The following ABCB5 variants were observed in gnomAD, a reference collection of about 807,000 sequenced individuals.
ABCB5 encodes ATP-binding cassette sub-family B member 5.
In ABCB5, 155 loss-of-function variants were observed where a neutral mutation model predicts 144.2. That is an observed-to-expected ratio of 1.08 (90% confidence interval 0.94 to 1.23). The LOEUF (loss-of-function observed/expected upper bound fraction) is 1.23, where lower values mean the gene tolerates loss of function less well. Ranked by LOEUF, ABCB5 falls within the 50% of genes most tolerant of loss-of-function variation. ABCB5 has a pLI of 0.00. For missense variants in ABCB5, 1,830 were observed against 1,520.8 expected, an observed-to-expected ratio of 1.20 and a Z score of -3.38; for synonymous variants, 610 against 528.6, an observed-to-expected ratio of 1.15 and a Z score of -2.11.
At chr7:20,658,036 C>A (rs7806753) in intron 13 of ABCB5, among the ~76,000 whole-genome samples, 8,162 of 151,896 alleles carry the variant, frequency 0.054, 620 homozygotes, top group African/African-American at 0.17. Flanking sequence ...ATGGAAAAAA[C>A]GTTTTAGGGG....
At chr7:20,728,117 A>G (rs1782094534) in intron 22 of ABCB5, among the ~76,000 whole-genome samples, 198 bp from the exon 23 acceptor site, 2 of 152,024 alleles carry the variant, frequency 1.3e-5, no homozygotes, top group African/African-American at 4.8e-5. Flanking sequence ...AGGGAAAAGA[A>G]TTATAACATT....
intron 2 of ABCB5, among the ~76,000 whole-genome samples, chr7:20,624,738 C>T (rs1045084140): frequency 2.6e-5 from 4 of 152,190 alleles, no homozygotes; most frequent in African/African-American, 9.6e-5. Context: ...AATGAAAGTA[C>T]TGGGCCACCA....
intron 7 of ABCB5, among the ~76,000 whole-genome samples, chr7:20,644,546 C>T (rs139781733): frequency 5.3e-4 from 80 of 152,268 alleles, no homozygotes; most frequent in Middle Eastern, 3.4e-3. Context: ...AAATTGTAAT[C>T]TTATCTACAG....
chr7:20,722,992 C>A (rs1021867846), intron 20 of ABCB5, 24 bp from the exon 21 acceptor site: 2 of 1,607,776 alleles, frequency 1.2e-6, no homozygotes. Flanking sequence ...TGAGTTTTTT[C>A]CCCCAAAATA....
chr7:20,635,888 A>G (rs1784146075), intron 5 of ABCB5, among the ~76,000 whole-genome samples: 1 of 152,062 alleles, frequency 6.6e-6, no homozygotes, highest in African/African-American at 2.4e-5. Context: ...GATGCCTTTT[A>G]TTTCTTTCTG....
chr7:20,621,065 T>G lies in ABCB5; in HGVS notation c.-21-2200T>G, dbSNP rs1323765550. Among the ~76,000 whole-genome samples, 8 of 152,212 alleles carry G rather than the reference T, an allele frequency of 5.3e-5. No individual in the cohort carries two copies. In the East Asian group the frequency reaches 1.3e-3, roughly 26 times the overall value. On this transcript the variant is annotated intron_variant, in intron 1 of 27. Transcript: ENST00000404938. The stretch of plus-strand genomic sequence containing the variant: ...TGTGCACCAGAATAGTATTCAGCCT[T>G]AAAAAGGAATAAAATTGTGATACAT...
chr7:20,753,551 G>C, intron 27 of ABCB5, 45 bp downstream of exon 27: 2 of 1,572,960 alleles, frequency 1.3e-6, no homozygotes, highest in Non-Finnish European at 1.7e-6. Flanking sequence ...CCAAATATAA[G>C]CATCCAATAA....
chr7:20,749,163 CCTTCCTTCCCTCTCTA>C (rs1782831862), intron 26 of ABCB5, among the ~76,000 whole-genome samples: 2 of 143,354 alleles, frequency 1.4e-5, no homozygotes, highest in Admixed American at 1.4e-4. Flanking sequence ...CTCTCTCTCT[CCTTCCTTCCCTCTCTA>C]CTTCCTTCCT....
chr7:20,742,246 C>T lies in ABCB5; in HGVS notation c.3025-631C>T, dbSNP rs559338683. On this transcript the variant is annotated intron_variant, in intron 24 of 27. Transcript: ENST00000404938. ...AAAATTGGCTGGGTGTGGTGGCGCA[C>T]GCTGGTGGTCCCAGCTACTCAGGAG... is the stretch of plus-strand genomic sequence containing the variant. 3.3e-5 allele frequency among the ~76,000 whole-genome samples: 5 copies of T among 152,154 alleles called. No individual in the cohort carries two copies. In the East Asian group the frequency reaches 7.7e-4, roughly 24 times the overall value.
chr7:20,627,558 G>C (rs548440672), intron 3 of ABCB5, among the ~76,000 whole-genome samples: 2 of 152,090 alleles, frequency 1.3e-5, no homozygotes, highest in Middle Eastern at 3.4e-3. Flanking sequence ...TTTTGCTCAT[G>C]ATTTGGTTTT....
intron 14 of ABCB5, among the ~76,000 whole-genome samples, chr7:20,663,194 G>A (rs1785061283): frequency 6.6e-6 from 1 of 152,210 alleles, no homozygotes; most frequent in South Asian, 2.1e-4. Context: ...TTCCAGATCA[G>A]GCTTCAAACC....
chr7:20,708,134 C>T (rs1429737699), intron 20 of ABCB5, among the ~76,000 whole-genome samples: 1 of 152,134 alleles, frequency 6.6e-6, no homozygotes, highest in Non-Finnish European at 1.5e-5. Context: ...AACTTTTTGA[C>T]ATGGGAAGTG....
At chr7:20,700,374 T>G (rs149255259) in intron 19 of ABCB5, among the ~76,000 whole-genome samples, 2 of 152,360 alleles carry the variant, frequency 1.3e-5, no homozygotes, top group African/African-American at 4.8e-5. Context: ...TACTCATTGT[T>G]CCTTGCATTC....
At chr7:20,674,784 A>ACACG (rs397835655) in intron 14 of ABCB5, among the ~76,000 whole-genome samples, 1 of 150,598 alleles carries the variant, frequency 6.6e-6, no homozygotes, top group Non-Finnish European at 1.5e-5. Context: ...ACACACACAC[A>ACACG]AACTGTTAGA....
chr7:20,751,786 C>T (rs995777977), intron 26 of ABCB5, among the ~76,000 whole-genome samples: 12 of 152,172 alleles, frequency 7.9e-5, no homozygotes, highest in Admixed American at 5.2e-4. Flanking sequence ...CCAAATTTAA[C>T]AAAATGCATT....
chr7:20,626,956 A>G (rs1783923169), intron 3 of ABCB5, among the ~76,000 whole-genome samples: 1 of 151,652 alleles, frequency 6.6e-6, no homozygotes. Flanking sequence ...GACTTTTACT[A>G]TCTATGTTTA....
At chr7:20,638,467 T>C (rs180948074) in intron 5 of ABCB5, among the ~76,000 whole-genome samples, 1 of 152,338 alleles carries the variant, frequency 6.6e-6, no homozygotes, top group Admixed American at 6.5e-5. Context: ...ACAATATTTT[T>C]AGAACACTTT....
Position 20,739,143 on chromosome 7 carries a change from A to G in ABCB5, c.3024+4A>G, listed in dbSNP as rs1439895945. On this transcript the variant is annotated splice_donor_region_variant and intron_variant, in intron 24 of 27. Coordinates refer to ENST00000404938, the MANE Select transcript of ABCB5 (RefSeq NM_001163941.2). ...CAGTCAAGAAGGGAAAAAGCCAGTA[A>G]GCACAACTGTGATCTTAAATGTCCA... 1 of 1,590,142 alleles carries G rather than the reference A, an allele frequency of 6.3e-7. No individual in the cohort carries two copies. Among genetic ancestry groups the G allele is most frequent in the Non-Finnish European group, 8.6e-7 (1 of 1,166,852 alleles).
At position 20,681,570 on chromosome 7, in the gene ABCB5, G is replaced by A. The variant is rs546587588; in HGVS notation, c.1773G>A (p.Leu591=). 5.0e-6 allele frequency: 8 copies of A among 1,614,194 alleles called. No homozygotes were observed. In the South Asian group the frequency reaches 8.8e-5, roughly 18 times the overall value. ...TTTCTACTATTCGAAGTGCAGATTT[G>A]ATTGTGACCCTAAAGGATGGAATGC... The part of the protein sequence containing the change: ...HRLSTIRSAD[L]IVTLKDGMLA... Residue 591 remains leucine, a synonymous_variant, in exon 15 of 28, where the codon TTG becomes TTA. Coordinates refer to ENST00000404938, the MANE Select transcript of ABCB5 (RefSeq NM_001163941.2).
Sources: gnomAD v4.1 joint callset for allele counts (sites outside exome capture counted in the v4.1 genomes callset) on GRCh38, gnomAD v4.1.1 for gene constraint, MANE v1.5 for transcripts, NCBI Gene and HGNC (gene_info 2026-07-23, HGNC 2026-07-21) for gene names.